The following UBXN2A variants were observed in gnomAD, a reference collection of about 807,000 sequenced individuals.
UBXN2A encodes UBX domain protein 2A.
In UBXN2A, 28 loss-of-function variants were observed where a neutral mutation model predicts 28.4. The observed-to-expected ratio is 0.99, with a 90% confidence interval of 0.73 to 1.35. The LOEUF (loss-of-function observed/expected upper bound fraction) is 1.35, where lower values mean the gene tolerates loss of function less well. Among genes scored for constraint, UBXN2A ranks in the 40% most tolerant of loss-of-function variants. The probability of loss-of-function intolerance (pLI) is 0.00; values close to 1 mark genes in which losing one functional copy is unlikely to be tolerated. For missense variants in UBXN2A, 253 were observed against 297.9 expected (o/e 0.85, Z 1.11); for synonymous variants, 97 against 103.6 (o/e 0.94, Z 0.39).
chr2:23,949,338 G>C (rs1020237571), intron 1 of UBXN2A, among the ~76,000 whole-genome samples: 1 of 151,740 alleles, frequency 6.6e-6, no homozygotes, highest in African/African-American at 2.4e-5. Flanking sequence ...GTGGGAGGCC[G>C]AGGTGGGCGG....
chr2:23,966,769 TTTTA>T (rs1707197024), intron 2 of UBXN2A, among the ~76,000 whole-genome samples: 1 of 149,040 alleles, frequency 6.7e-6, no homozygotes. Context: ...TTTTTTTTTT[TTTTA>T]ATGTTTTTGT....
intron 6 of UBXN2A, among the ~76,000 whole-genome samples, chr2:23,985,855 T>G (rs946125560): frequency 6.6e-6 from 1 of 152,040 alleles, no homozygotes; most frequent in African/African-American, 2.4e-5. Flanking sequence ...TTAAATTAGC[T>G]GAACATGGTG....
intron 2 of UBXN2A, among the ~76,000 whole-genome samples, chr2:23,961,795 C>T (rs552851041): frequency 6.7e-6 from 1 of 149,780 alleles, no homozygotes; most frequent in African/African-American, 2.5e-5. Context: ...ATCTGCCTGC[C>T]TCGGACTCCC....
intron 6 of UBXN2A, among the ~76,000 whole-genome samples, chr2:23,988,542 A>G (rs1477089892): frequency 6.6e-6 from 1 of 152,180 alleles, no homozygotes; most frequent in Non-Finnish European, 1.5e-5. Context: ...TGACAGAACT[A>G]ATGCTTTGTA....
intron 1 of UBXN2A, among the ~76,000 whole-genome samples, chr2:23,933,131 AAAAT>A (rs1313126017): frequency 2.6e-5 from 4 of 152,060 alleles, no homozygotes; most frequent in African/African-American, 7.2e-5. Context: ...ATTAAATTAA[AAAAT>A]AAAGGAGAGA....
intron 4 of UBXN2A, among the ~76,000 whole-genome samples, chr2:23,982,091 G>A (rs989614424): frequency 4.1e-4 from 62 of 151,956 alleles, no homozygotes; most frequent in African/African-American, 1.4e-3. Flanking sequence ...CAGGCACGGT[G>A]GCTCACACCT....
At chr2:23,999,352 A>G (rs1185673506) in intron 6 of UBXN2A, among the ~76,000 whole-genome samples, 1 of 152,194 alleles carries the variant, frequency 6.6e-6, no homozygotes, top group Admixed American at 6.5e-5. Flanking sequence ...ATTGTCATCA[A>G]ATTTCTGGGA....
intron 2 of UBXN2A, 71 bp downstream of exon 2, chr2:23,958,426 C>T: frequency 1.4e-6 from 2 of 1,425,932 alleles, no homozygotes; most frequent in Admixed American, 2.2e-5. Flanking sequence ...TATTACATTT[C>T]ACTTGCAGAG....
chr2:23,965,335 T>C (rs1707119016), intron 2 of UBXN2A, among the ~76,000 whole-genome samples: 2 of 152,218 alleles, frequency 1.3e-5, no homozygotes, highest in Admixed American at 1.3e-4. Context: ...TGATTAAATA[T>C]GATGTTAGAT....
chr2:23,971,521 C>A, intron 3 of UBXN2A, 107 bp downstream of exon 3: 1 of 1,246,746 alleles, frequency 8.0e-7, no homozygotes, highest in Non-Finnish European at 1.1e-6. Context: ...CAAGGTCTTT[C>A]TCTGTCACCC....
At position 23,984,838 on chromosome 2, in the gene UBXN2A, C is replaced by G; in HGVS notation, c.584+7C>G. 5 of 1,540,926 alleles carry G rather than the reference C, an allele frequency of 3.2e-6. No individual in the cohort carries two copies. The highest frequency in any genetic ancestry group is 4.3e-6 in the Non-Finnish European group (5 of 1,157,278). On this transcript the variant is annotated splice_region_variant and intron_variant, in intron 6 of 6. Coordinates refer to ENST00000309033, the MANE Select transcript of UBXN2A (RefSeq NM_181713.4). Reference sequence around the variant, plus strand: ...AATTTAACATTACTCATAGGTGAGTCTTCAATTTCAGTATTTGATATTTTT... The same window carrying G: ...AATTTAACATTACTCATAGGTGAGTGTTCAATTTCAGTATTTGATATTTTT...
intron 4 of UBXN2A, among the ~76,000 whole-genome samples, chr2:23,979,973 T>C (rs1311676628): frequency 1.3e-5 from 2 of 152,092 alleles, no homozygotes; most frequent in Non-Finnish European, 2.9e-5. Context: ...TAACCTACCA[T>C]AAAATTCATC....
chr2:23,949,030 T>G (rs568476863), intron 1 of UBXN2A, among the ~76,000 whole-genome samples: 1 of 147,076 alleles, frequency 6.8e-6, no homozygotes, highest in African/African-American at 2.5e-5. Flanking sequence ...AACCTCCATC[T>G]CCCTGGTTCA....
intron 4 of UBXN2A, among the ~76,000 whole-genome samples, chr2:23,981,756 T>C (rs1400268932): frequency 6.6e-6 from 1 of 151,714 alleles, no homozygotes; most frequent in East Asian, 2.0e-4. Context: ...TAGCCGGGCA[T>C]GGTGGCCTAT....
chr2:23,945,184 A>T (rs901823246), intron 1 of UBXN2A, among the ~76,000 whole-genome samples: 2 of 152,126 alleles, frequency 1.3e-5, no homozygotes, highest in South Asian at 2.1e-4. Flanking sequence ...CCCTGGAATG[A>T]CTCAATAAGT....
chr2:23,947,606 C>T (rs1004186461), intron 1 of UBXN2A, among the ~76,000 whole-genome samples: 2 of 152,110 alleles, frequency 1.3e-5, no homozygotes, highest in African/African-American at 4.8e-5. Context: ...TTGCATGTTA[C>T]TAAATTTATG....
intron 6 of UBXN2A, among the ~76,000 whole-genome samples, chr2:23,998,779 G>A (rs114307503): frequency 6.6e-6 from 1 of 151,980 alleles, no homozygotes; most frequent in Admixed American, 6.6e-5. Context: ...ATCCAGGTTA[G>A]GGTACGGTGA....
At chr2:23,929,608 G>A (rs968763389) in intron 1 of UBXN2A, among the ~76,000 whole-genome samples, 3 of 151,854 alleles carry the variant, frequency 2.0e-5, no homozygotes, top group Non-Finnish European at 4.4e-5. Context: ...AGCTATTTGG[G>A]AGGCTGAGGC....
intron 1 of UBXN2A, among the ~76,000 whole-genome samples, chr2:23,934,173 T>C (rs1194601318): frequency 6.6e-6 from 1 of 151,902 alleles, no homozygotes; most frequent in Non-Finnish European, 1.5e-5. Flanking sequence ...ATCGCACCAC[T>C]GCACTCCAGC....
Sources: allele counts gnomAD v4.1 joint callset (sites outside exome capture counted in the v4.1 genomes callset), GRCh38; gene constraint gnomAD v4.1.1; transcripts MANE v1.5; gene names NCBI Gene and HGNC (gene_info 2026-07-23, HGNC 2026-07-21).